ADAMTS17: variants seen among roughly 807,000 people sequenced by gnomAD.
The protein encoded by ADAMTS17 is ADAM metallopeptidase with thrombospondin type 1 motif 17, also known as A disintegrin and metalloproteinase with thrombospondin motifs 17.
A neutral mutation model predicts 141.5 loss-of-function variants in ADAMTS17; 113 were observed. The ratio of observed to expected loss-of-function variants is 0.80; its 90% confidence interval spans 0.69 to 0.93. The LOEUF is 0.93. ADAMTS17 is among the 40% of genes least tolerant of loss of function. ADAMTS17 has a pLI of 0.00. For synonymous variants in ADAMTS17, 768 were observed against 630.6 expected, an observed-to-expected ratio of 1.22 and a Z score of -3.27; for missense variants, 1,659 against 1,517.9, an observed-to-expected ratio of 1.09 and a Z score of -1.54.
chr15:100,144,038 A>G (rs1389457341), intron 10 of ADAMTS17, among the ~76,000 whole-genome samples: 1 of 152,170 alleles, frequency 6.6e-6, no homozygotes, highest in Non-Finnish European at 1.5e-5. Context: ...TATGTGGTGA[A>G]TGCATAATTA....
chr15:100,145,267 G>T (rs959274545), intron 10 of ADAMTS17, among the ~76,000 whole-genome samples: 1 of 152,176 alleles, frequency 6.6e-6, no homozygotes, highest in Non-Finnish European at 1.5e-5. Context: ...CCTAGGGCTT[G>T]GGAACATGAA....
intron 8 of ADAMTS17, among the ~76,000 whole-genome samples, chr15:100,165,873 T>A (rs575499139): frequency 7.2e-5 from 11 of 152,270 alleles, no homozygotes; most frequent in African/African-American, 2.4e-4. Context: ...GAACCAATTC[T>A]TTTTCCTTTC....
chr15:100,256,789 T>A (rs2141975597), intron 6 of ADAMTS17: 1 of 152,826 alleles, frequency 6.5e-6, no homozygotes, highest in African/African-American at 2.4e-5. Context: ...AGGAGTTCTC[T>A]GCGTTCTCAG....
At chr15:100,247,911 C>T (rs537045851) in intron 7 of ADAMTS17, among the ~76,000 whole-genome samples, 1 of 152,314 alleles carries the variant, frequency 6.6e-6, no homozygotes, top group Admixed American at 6.5e-5. Flanking sequence ...CACCCACACG[C>T]TCTTCCTCAC....
chr15:100,341,560 C>T, intron 1 of ADAMTS17, 151 bp from the exon 2 acceptor site: 1 of 866,284 alleles, frequency 1.2e-6, no homozygotes, highest in Non-Finnish European at 1.4e-6. Context: ...CGCTGGCCCG[C>T]GCCACCCGGG....
intron 15 of ADAMTS17, among the ~76,000 whole-genome samples, chr15:100,078,709 A>G (rs1366227632): frequency 6.6e-6 from 1 of 152,216 alleles, no homozygotes; most frequent in East Asian, 1.9e-4. Flanking sequence ...AAAAGAAAAA[A>G]TAGTTTAACT....
intron 3 of ADAMTS17, among the ~76,000 whole-genome samples, chr15:100,325,644 C>T (rs916092843): frequency 6.6e-5 from 10 of 152,120 alleles, no homozygotes; most frequent in Admixed American, 2.6e-4. Context: ...CTGTTTAAAA[C>T]GACCCTCACC....
At chr15:100,119,155 G>A (rs1006755954) in intron 12 of ADAMTS17, among the ~76,000 whole-genome samples, 4 of 151,452 alleles carry the variant, frequency 2.6e-5, no homozygotes, top group African/African-American at 9.7e-5. Flanking sequence ...CTCCCTCACA[G>A]TGCTCAGGAG....
chr15:100,209,120 A>C (rs2041697330), intron 7 of ADAMTS17, among the ~76,000 whole-genome samples: 1 of 126,954 alleles, frequency 7.9e-6, no homozygotes, highest in African/African-American at 3.3e-5. Context: ...TAGCAAAAAA[A>C]AAAAAAAAAA....
At chr15:100,119,760 C>G (rs1484657151) in intron 12 of ADAMTS17, among the ~76,000 whole-genome samples, 1 of 152,254 alleles carries the variant, frequency 6.6e-6, no homozygotes, top group Non-Finnish European at 1.5e-5. Context: ...CTGCTTCTCC[C>G]TGACAAATTC....
At chr15:100,304,846 C>G (rs1005160168) in intron 3 of ADAMTS17, among the ~76,000 whole-genome samples, 1 of 152,226 alleles carries the variant, frequency 6.6e-6, no homozygotes, top group Non-Finnish European at 1.5e-5. Context: ...AGACCAACCT[C>G]TCCTCTCCCT....
At chr15:99,978,077 G>GC (rs1409037982) in intron 20 of ADAMTS17, among the ~76,000 whole-genome samples, 1 of 152,216 alleles carries the variant, frequency 6.6e-6, no homozygotes, top group Non-Finnish European at 1.5e-5. Context: ...GGAGGCAGGT[G>GC]CCCCGCAGAT....
intron 14 of ADAMTS17, among the ~76,000 whole-genome samples, chr15:100,106,987 C>G (rs1233015878): frequency 6.6e-6 from 1 of 152,188 alleles, no homozygotes; most frequent in Non-Finnish European, 1.5e-5. Context: ...CTCTTGGGCA[C>G]CAGGCGCTTA....
intron 4 of ADAMTS17, among the ~76,000 whole-genome samples, chr15:100,274,863 A>G (rs72633238): frequency 0.17 from 26,043 of 151,476 alleles, 2,440 homozygotes; most frequent in East Asian, 0.35. Flanking sequence ...TTGCTTTTGT[A>G]TGTATTCTCT....
At chr15:100,243,615 C>T (rs1005339629) in intron 7 of ADAMTS17, among the ~76,000 whole-genome samples, 4 of 152,106 alleles carry the variant, frequency 2.6e-5, no homozygotes, top group African/African-American at 7.2e-5. Context: ...CACGGTCAAA[C>T]ACTATCTCTA....
In ADAMTS17 at chr15:100,261,590, A is replaced by C. The variant is rs1322267921; in HGVS notation, c.920T>G (p.Phe307Cys). Residue 307 changes from phenylalanine (F) to cysteine (C), a missense_variant, in exon 6 of 22, where the codon TTC becomes TGC. Transcript: ENST00000268070. Reference protein sequence around the residue: ...GHHGERSLESFCHWQNEEYGG... With the variant: ...GHHGERSLESCCHWQNEEYGG... ...ATACTCCTCGTTCTGCCAGTGACAG[A>C]AGCTCTCCAGGGACCGCTCACCATG... 4 of 1,614,006 alleles carry C rather than the reference A, an allele frequency of 2.5e-6. No homozygotes were observed. Among genetic ancestry groups the C allele is most frequent in the Non-Finnish European group, 3.4e-6 (4 of 1,180,010 alleles).
chr15:100,204,379 T>G (rs570773864), intron 7 of ADAMTS17, among the ~76,000 whole-genome samples: 1 of 152,348 alleles, frequency 6.6e-6, no homozygotes, highest in East Asian at 1.9e-4. Context: ...TTCTGGGACA[T>G]CAAGCTGTCA....
intron 3 of ADAMTS17, among the ~76,000 whole-genome samples, chr15:100,307,612 T>C (rs914839442): frequency 1.3e-4 from 20 of 152,224 alleles, no homozygotes; most frequent in Admixed American, 1.2e-3. Context: ...CTCCTGCCTC[T>C]GGTCCCTAAA....
Position 100,063,602 on chromosome 15 carries a change from C to G in ADAMTS17, c.2138-9548G>C, listed in dbSNP as rs138962918. On this transcript the variant is annotated intron_variant, in intron 15 of 21. Transcript: ENST00000268070. ...CAGCCATAACCCGGGAGGAATGACACTGAACCAATTTACCAGACTGATCAT... is the reference window on the plus strand; with the variant it reads ...CAGCCATAACCCGGGAGGAATGACAGTGAACCAATTTACCAGACTGATCAT... The G allele has an allele frequency of 2.5e-4, 311 of 1,243,152 alleles. 1 individual carries two copies. In the Middle Eastern group the frequency reaches 4.6e-3, roughly 18 times the overall value. The allele number at this position is 1,243,152 out of a possible 1,614,324, so 77.0% of individuals were successfully genotyped here.
Sources: allele counts gnomAD v4.1 joint callset (sites outside exome capture counted in the v4.1 genomes callset), GRCh38; gene constraint gnomAD v4.1.1; transcripts MANE v1.5; gene names NCBI Gene and HGNC (gene_info 2026-07-23, HGNC 2026-07-21).